The following SOCS7 variants were observed in gnomAD, a reference collection of about 807,000 sequenced individuals.
SOCS7 encodes the protein NAP-4.
A neutral mutation model predicts 58.9 loss-of-function variants in SOCS7; 18 were observed. That is an observed-to-expected ratio of 0.31 (90% CI 0.21 to 0.45). The LOEUF (loss-of-function observed/expected upper bound fraction) is 0.45. SOCS7 is among the 20% of genes least tolerant of loss of function. The probability of loss-of-function intolerance (pLI) is 1.00; values close to 1 mark genes in which losing one functional copy is unlikely to be tolerated. For missense variants in SOCS7, 667 were observed against 837.3 expected (o/e 0.80, Z 2.51); for synonymous variants, 388 against 364.3 (o/e 1.06, Z -0.74).
intron 7 of SOCS7, among the ~76,000 whole-genome samples, chr17:38,378,891 C>G (rs148786993): frequency 6.6e-6 from 1 of 152,152 alleles, no homozygotes; most frequent in African/African-American, 2.4e-5. Flanking sequence ...CATGGTGGCT[C>G]ACACTGTAAT....
intron 6 of SOCS7, among the ~76,000 whole-genome samples, chr17:38,376,768 C>G (rs1597698677): frequency 6.6e-6 from 1 of 151,714 alleles, no homozygotes; most frequent in African/African-American, 2.4e-5. Context: ...CAACACTGAA[C>G]AAAATGTTAT....
chr17:38,390,344 G>T (rs1054664303), intron 7 of SOCS7, among the ~76,000 whole-genome samples: 1 of 152,122 alleles, frequency 6.6e-6, no homozygotes, highest in African/African-American at 2.4e-5. Context: ...AGATGGAAAA[G>T]TGTGAGTCTC....
chr17:38,356,733 T>C (rs1036034029), intron 1 of SOCS7, among the ~76,000 whole-genome samples: 2 of 152,314 alleles, frequency 1.3e-5, no homozygotes, highest in Admixed American at 1.3e-4. Flanking sequence ...ATCAGGTTTC[T>C]GTTCTGGGGA....
At chr17:38,389,906 T>TATATATATATAGAGAG (rs1555571102) in intron 7 of SOCS7, among the ~76,000 whole-genome samples, 1 of 103,480 alleles carries the variant, frequency 9.7e-6, no homozygotes, top group African/African-American at 4.7e-5. Context: ...TATACACATA[T>TATATATATATAGAGAG]AGAGAGAGAG....
At chr17:38,361,101 C>T (rs41404344) in intron 1 of SOCS7, among the ~76,000 whole-genome samples, 1 of 152,244 alleles carries the variant, frequency 6.6e-6, no homozygotes, top group South Asian at 2.1e-4. Context: ...CTCAGAGAGA[C>T]GAATGGGCCC....
At position 38,352,834 on chromosome 17, in the gene SOCS7, C is replaced by T. The variant is rs1468901362; in HGVS notation, c.782C>T (p.Pro261Leu). 2 of 1,569,458 alleles carry T rather than the reference C, an allele frequency of 1.3e-6. No homozygotes were observed. Among genetic ancestry groups the T allele is most frequent in the South Asian group, 1.2e-5 (1 of 85,504 alleles). The change falls in exon 1 of 10, where the codon CCC (proline) becomes CTC (leucine). Residue 261 changes from proline (P) to leucine (L), a missense_variant. Physicochemically the swap from Pro to Leu is moderately conservative, Grantham distance 98. Transcript: ENST00000612932. The surrounding 1 kb of genome is among the most constrained non-coding windows in gnomAD (Gnocchi z 5.5). ...QPPPPPPPPG[P>L]LRPLAGPSRK... ...CCCCCGCCCCCGCCTCCTCCCGGGC[C>T]CCTCCGGCCACTCGCGGGTCCTTCT...
chr17:38,377,953 G>A, intron 7 of SOCS7, 111 bp downstream of exon 7: 1 of 993,738 alleles, frequency 1.0e-6, no homozygotes, highest in Non-Finnish European at 1.5e-6. Flanking sequence ...TTCCCTGGCT[G>A]TTGGAGCCAC....
intron 1 of SOCS7, among the ~76,000 whole-genome samples, chr17:38,354,800 C>T (rs1555566636): frequency 6.6e-6 from 1 of 152,150 alleles, no homozygotes; most frequent in Non-Finnish European, 1.5e-5. Context: ...TCCATATTGA[C>T]CAGGAGTTCG....
intron 7 of SOCS7, among the ~76,000 whole-genome samples, chr17:38,381,969 A>G (rs949016374): frequency 7.0e-4 from 105 of 149,642 alleles, no homozygotes; most frequent in African/African-American, 2.5e-3. Context: ...AAAAAAAAAA[A>G]AAAAACCTAA....
At chr17:38,377,092 T>C (rs2037941309) in intron 6 of SOCS7, among the ~76,000 whole-genome samples, 1 of 152,212 alleles carries the variant, frequency 6.6e-6, no homozygotes, top group South Asian at 2.1e-4. Context: ...TAATGATGCA[T>C]TTCTCTGAAC....
In SOCS7 at chr17:38,403,774, A is replaced by G. The variant is rs1404800090; in HGVS notation, c.*4292A>G. On this transcript the variant is annotated 3_prime_UTR_variant, in exon 10 of 10. Coordinates refer to ENST00000612932, the MANE Select transcript of SOCS7 (RefSeq NM_014598.4). ...AGCTATTGAGTTAGACATTTTCCCT[A>G]TGGGAATCCTCGGTTTGGTTTGTGG... The G allele has an allele frequency of 6.6e-6, 1 of 152,076 alleles. No individual in the cohort carries two copies. Among genetic ancestry groups the G allele is most frequent in the Non-Finnish European group, 1.5e-5 (1 of 67,992 alleles). The allele number at this position is 152,076 out of a possible 1,614,324, so 9.4% of individuals were successfully genotyped here. A position where few individuals can be genotyped will look rare whatever the true frequency, so the allele number is the denominator to read the frequency against.
chr17:38,388,905 G>C (rs1476329886), intron 7 of SOCS7, among the ~76,000 whole-genome samples: 2 of 152,116 alleles, frequency 1.3e-5, no homozygotes, highest in Non-Finnish European at 2.9e-5. Flanking sequence ...GTTGTTTCCA[G>C]TTTTTGGCTA....
At chr17:38,392,990 C>T (rs71384218) in intron 7 of SOCS7, among the ~76,000 whole-genome samples, 2,637 of 152,144 alleles carry the variant, frequency 0.017, 30 homozygotes, top group Non-Finnish European at 0.025. Flanking sequence ...GTTTTAAAGA[C>T]TAAATAAGTT....
Position 38,367,932 on chromosome 17 carries a change from G to T in SOCS7, c.1434G>T (p.Leu478=), listed in dbSNP as rs773590397. Residue 478 remains leucine (L), a synonymous_variant, in exon 6 of 10, where the codon CTG becomes CTT. Transcript: ENST00000612932. ...ATTGGGAAGATGCAGAGATGAAGCT[G>T]AAAGGGAAACCAGATGGTTCTTTCC... ...PMNWEDAEMK[L]KGKPDGSFLV... 10 of 1,614,090 alleles carry T rather than the reference G, an allele frequency of 6.2e-6. No individual in the cohort carries two copies. Among genetic ancestry groups the T allele is most frequent in the Non-Finnish European group, 8.5e-6 (10 of 1,180,048 alleles).
At position 38,389,772 on chromosome 17, in the gene SOCS7, T is replaced by C. The variant is rs1307026586; in HGVS notation, c.1682-5537T>C. Among the ~76,000 whole-genome samples, 3 of 139,414 alleles carry C rather than the reference T, an allele frequency of 2.2e-5. No individual in the cohort carries two copies. The Admixed American group carries it at 2.3e-4, about 11-fold the overall frequency. 91.5% of individuals were successfully genotyped at this position (139,414 alleles called of 152,430 possible). ...GGAGCTTAATGCCTATATTTTCTTC[T>C]AGGAGACTTAAACTTTTAGCTTTTA... is the stretch of plus-strand genomic sequence containing the variant. On this transcript the variant is annotated intron_variant, in intron 7 of 9. Transcript: ENST00000612932.
chr17:38,357,073 A>C (rs587755353), intron 1 of SOCS7, among the ~76,000 whole-genome samples: 95 of 152,284 alleles, frequency 6.2e-4, no homozygotes, highest in African/African-American at 2.3e-3. Flanking sequence ...ACGGTTCTGT[A>C]GTGGTTTCCT....
At chr17:38,359,842 T>G (rs1238672895) in intron 1 of SOCS7, among the ~76,000 whole-genome samples, 1 of 152,002 alleles carries the variant, frequency 6.6e-6, no homozygotes, top group Non-Finnish European at 1.5e-5. Flanking sequence ...AGTGGCTCAA[T>G]CATGGCTCAC....
chr17:38,383,265 G>T (rs2038026299), intron 7 of SOCS7, among the ~76,000 whole-genome samples: 1 of 152,140 alleles, frequency 6.6e-6, no homozygotes, highest in Non-Finnish European at 1.5e-5. Flanking sequence ...TTTGAGGAAT[G>T]CAAGAGTTAA....
In SOCS7 at chr17:38,352,137, G is replaced by C; in HGVS notation, c.85G>C (p.Glu29Gln). The change falls in exon 1 of 10, where the codon GAG becomes CAG. Residue 29 changes from glutamate to glutamine, a missense_variant. Coordinates refer to ENST00000612932, the MANE Select transcript of SOCS7 (RefSeq NM_014598.4). The surrounding 1 kb of genome is among the most constrained non-coding windows in gnomAD (Gnocchi z 5.5). Reference protein sequence around the residue: ...RVLSRLLGYGEAAPEPGPPPP... With the variant: ...RVLSRLLGYGQAAPEPGPPPP... ...CCTGAGCCGCCTCCTTGGCTATGGA[G>C]AGGCGGCCCCCGAGCCAGGCCCTCC... 9.2e-7 allele frequency: 1 copy of C among 1,091,450 alleles called. No homozygotes were observed. Among genetic ancestry groups the C allele is most frequent in the South Asian group, 3.9e-5 (1 of 25,432 alleles). The allele number at this position is 1,091,450 out of a possible 1,614,324, so 67.6% of individuals were successfully genotyped here. A position where few individuals can be genotyped will look rare whatever the true frequency, so the allele number is the denominator to read the frequency against.
Sources: allele counts gnomAD v4.1 joint callset (sites outside exome capture counted in the v4.1 genomes callset), GRCh38; gene constraint gnomAD v4.1.1; non-coding constraint Gnocchi (gnomAD v3.1); transcripts MANE v1.5; gene names NCBI Gene and HGNC (gene_info 2026-07-23, HGNC 2026-07-21).